NRP2: variants seen among roughly 807,000 people sequenced by gnomAD.
The protein encoded by NRP2 is neuropilin-2.
Under a neutral mutation model 110.4 loss-of-function variants are expected in NRP2, and 52 were observed. That is an observed-to-expected ratio of 0.47 (90% CI 0.38 to 0.59). The LOEUF (loss-of-function observed/expected upper bound fraction) is 0.59. NRP2 is among the 20% of genes least tolerant of loss of function. The probability of loss-of-function intolerance (pLI) is 0.00; values close to 1 mark genes in which losing one functional copy is unlikely to be tolerated. For synonymous variants in NRP2, 508 were observed against 468.9 expected (o/e 1.08, Z -1.08); for missense variants, 1,049 against 1,203.0 (o/e 0.87, Z 1.89).
chr2:205,747,042 G>A (rs985714341), intron 10 of NRP2, among the ~76,000 whole-genome samples: 2 of 152,122 alleles, frequency 1.3e-5, no homozygotes, highest in Non-Finnish European at 2.9e-5. Flanking sequence ...CCTCTCACAG[G>A]TGCAGAAAAC....
chr2:205,697,950 A>G (rs2056470563), intron 2 of NRP2: 1 of 586,336 alleles, frequency 1.7e-6, no homozygotes, highest in African/African-American at 1.9e-5. Flanking sequence ...AAAAGTAGAG[A>G]ATATTAACCT....
At chr2:205,713,593 C>T (rs1345183502) in intron 2 of NRP2, among the ~76,000 whole-genome samples, 1 of 152,106 alleles carries the variant, frequency 6.6e-6, no homozygotes, top group East Asian at 1.9e-4. Context: ...TGTATGTATA[C>T]CTTTTAAAAC....
At chr2:205,764,534 C>G (rs934173827) in intron 13 of NRP2, 1 of 156,292 alleles carries the variant, frequency 6.4e-6, no homozygotes, top group Non-Finnish European at 1.4e-5. Context: ...GGAGTAGACA[C>G]ACTGTGGAAG....
At chr2:205,704,560 C>G (rs1247959407) in intron 2 of NRP2, among the ~76,000 whole-genome samples, 1 of 152,228 alleles carries the variant, frequency 6.6e-6, no homozygotes, top group Non-Finnish European at 1.5e-5. Flanking sequence ...CCCACACTTA[C>G]CAACCTTGAC....
chr2:205,732,153 A>G (rs2057252435), intron 7 of NRP2, among the ~76,000 whole-genome samples: 1 of 152,164 alleles, frequency 6.6e-6, no homozygotes, highest in Non-Finnish European at 1.5e-5. Context: ...TCTTCAGTGA[A>G]GTTCTGCATG....
intron 2 of NRP2, among the ~76,000 whole-genome samples, chr2:205,703,613 G>A (rs2056609280): frequency 6.6e-6 from 1 of 152,130 alleles, no homozygotes; most frequent in Non-Finnish European, 1.5e-5. Flanking sequence ...CTGTTACGTG[G>A]GCCCACAGCA....
chr2:205,738,067 AG>A (rs1229943610), intron 7 of NRP2, among the ~76,000 whole-genome samples: 2 of 152,272 alleles, frequency 1.3e-5, no homozygotes, highest in Admixed American at 6.5e-5. Flanking sequence ...TGAGAAATGC[AG>A]GGGTCGGATA....
At chr2:205,784,571 GC>G (rs2058215052) in intron 15 of NRP2, among the ~76,000 whole-genome samples, 1 of 152,144 alleles carries the variant, frequency 6.6e-6, no homozygotes, top group South Asian at 2.1e-4. Context: ...AAGAGGATGA[GC>G]CCCATATTAG....
chr2:205,739,682 C>CT (rs3047659), intron 7 of NRP2, among the ~76,000 whole-genome samples: 38,778 of 124,796 alleles, frequency 0.31, 7,126 homozygotes, highest in South Asian at 0.4. Flanking sequence ...GCTCTAGTTA[C>CT]TTTTTTTTTT....
At chr2:205,753,198 A>C (rs781359760) in intron 12 of NRP2, among the ~76,000 whole-genome samples, 3 of 152,202 alleles carry the variant, frequency 2.0e-5, no homozygotes, top group Admixed American at 6.5e-5. Flanking sequence ...GGAAGCTGGG[A>C]GGGAGAAGCG....
rs1170182622 is a variant in NRP2, at chr2:205,794,782, T to G, written c.2505T>G (p.Ser835=). 3 of 1,614,100 alleles carry G rather than the reference T, an allele frequency of 1.9e-6. No homozygotes were observed. Among genetic ancestry groups the G allele is most frequent in the Non-Finnish European group, 2.5e-6 (3 of 1,180,040 alleles). The change falls in exon 17 of 17, where the codon TCT becomes TCG. Residue 835 remains serine, a synonymous_variant. Coordinates refer to ENST00000357785, the MANE Select transcript of NRP2 (RefSeq NM_003872.3). The part of the protein sequence containing the change: ...DDEYEVDWSN[S]SSATSGSGAP... Reference sequence around the variant, plus strand: ...AATACGAGGTGGACTGGAGCAATTCTTCTTCTGCAACCTCAGGGTCTGGCG... The same window carrying G: ...AATACGAGGTGGACTGGAGCAATTCGTCTTCTGCAACCTCAGGGTCTGGCG...
intron 8 of NRP2, among the ~76,000 whole-genome samples, chr2:205,741,577 T>G (rs2057442832): frequency 6.6e-6 from 1 of 152,168 alleles, no homozygotes; most frequent in African/African-American, 2.4e-5. Flanking sequence ...GATGGCTGGA[T>G]TAGCCCCAGA....
chr2:205,781,158 T>C (rs2058169760), intron 15 of NRP2, among the ~76,000 whole-genome samples: 1 of 152,240 alleles, frequency 6.6e-6, no homozygotes, highest in Non-Finnish European at 1.5e-5. Flanking sequence ...TTTGGAACCA[T>C]GTTTGGGAAT....
At chr2:205,791,699 G>T (rs1274636040) in intron 15 of NRP2, among the ~76,000 whole-genome samples, 2 of 152,188 alleles carry the variant, frequency 1.3e-5, no homozygotes, top group East Asian at 3.8e-4. Context: ...ATATGTGAAG[G>T]TCAACAGGCA....
chr2:205,689,255 C>A (rs1198278203), intron 1 of NRP2, among the ~76,000 whole-genome samples: 2 of 152,254 alleles, frequency 1.3e-5, no homozygotes, highest in African/African-American at 4.8e-5. Context: ...GGTTTAGAAT[C>A]TAGCTCAGCC....
At chr2:205,748,349 G>A (rs1010389293) in intron 10 of NRP2, among the ~76,000 whole-genome samples, 1 of 152,202 alleles carries the variant, frequency 6.6e-6, no homozygotes, top group South Asian at 2.1e-4. Context: ...TGACAGGGCT[G>A]CTTCACCTGT....
chr2:205,684,291 G>A (rs2056091812), intron 1 of NRP2, among the ~76,000 whole-genome samples: 1 of 152,170 alleles, frequency 6.6e-6, no homozygotes, highest in Admixed American at 6.5e-5. Context: ...TCTCTAGAGT[G>A]AGCCTCCCTA....
intron 16 of NRP2, among the ~76,000 whole-genome samples, chr2:205,792,907 C>G (rs2058317253): frequency 6.6e-6 from 1 of 152,174 alleles, no homozygotes; most frequent in African/African-American, 2.4e-5. Flanking sequence ...TAGCACAGGT[C>G]TCTCTCTGGG....
intron 12 of NRP2, among the ~76,000 whole-genome samples, chr2:205,753,522 T>C (rs1051279106): frequency 2.6e-5 from 4 of 152,236 alleles, no homozygotes; most frequent in African/African-American, 9.6e-5. Flanking sequence ...AGAGTATTGC[T>C]GTAAGTCCTG....
Sources: gnomAD v4.1 joint callset for allele counts (sites outside exome capture counted in the v4.1 genomes callset) on GRCh38, gnomAD v4.1.1 for gene constraint, MANE v1.5 for transcripts, NCBI Gene and HGNC (gene_info 2026-07-23, HGNC 2026-07-21) for gene names.